The following COL8A1 variants were observed in gnomAD, a reference collection of about 807,000 sequenced individuals.
The protein encoded by COL8A1 is collagen alpha-1(VIII) chain.
A neutral mutation model predicts 42.7 loss-of-function variants in COL8A1; 21 were observed. That is an observed-to-expected ratio of 0.49 (90% CI 0.35 to 0.71). The LOEUF (loss-of-function observed/expected upper bound fraction) is 0.71. Ranked by LOEUF, COL8A1 falls within the 30% of genes least tolerant of loss-of-function variation. COL8A1 has a pLI of 0.01. For missense variants in COL8A1, 788 were observed against 962.4 expected (o/e 0.82, Z 2.40); for synonymous variants, 367 against 369.1 (o/e 0.99, Z 0.06).
chr3:99,756,193 G>A (rs1254166160), intron 2 of COL8A1, among the ~76,000 whole-genome samples: 3 of 151,708 alleles, frequency 2.0e-5, no homozygotes, highest in Non-Finnish European at 2.9e-5. Context: ...AAATAGGGGA[G>A]CTTGGGGTAG....
intron 2 of COL8A1, among the ~76,000 whole-genome samples, chr3:99,782,740 T>G (rs1438414422): frequency 6.6e-6 from 1 of 152,120 alleles, no homozygotes; most frequent in Admixed American, 6.5e-5. Context: ...ACATTCACAA[T>G]TACAAAAAAC....
At chr3:99,779,207 A>G (rs1194866761) in intron 2 of COL8A1, among the ~76,000 whole-genome samples, 1 of 152,180 alleles carries the variant, frequency 6.6e-6, no homozygotes, top group Non-Finnish European at 1.5e-5. Flanking sequence ...TTCATACACA[A>G]AATTATGTAG....
rs762811021 is a variant in COL8A1, at chr3:99,794,203, C to A, written c.329-27C>A. 1.4e-6 allele frequency: 2 copies of A among 1,440,120 alleles called. No individual in the cohort carries two copies. Among genetic ancestry groups the A allele is most frequent in the South Asian group, 2.7e-5 (2 of 73,182 alleles). 89.2% of individuals were successfully genotyped at this position (1,440,120 alleles called of 1,614,324 possible). A position where few individuals can be genotyped will look rare whatever the true frequency, so the allele number is the denominator to read the frequency against. On this transcript the variant is annotated intron_variant, in intron 3 of 3. Transcript: ENST00000652472. This position sits in a 1 kb window ranked among gnomAD's most constrained non-coding sequence, Gnocchi z 4.3. ...TCAATCTCTCTCTCTCCCCCCATAC[C>A]CCTTCTCTCTCTTCTCTTCCCAGTA...
At chr3:99,641,197 A>G (rs751749307) in intron 1 of COL8A1, among the ~76,000 whole-genome samples, 1 of 152,172 alleles carries the variant, frequency 6.6e-6, no homozygotes, top group Non-Finnish European at 1.5e-5. Context: ...GAGGAATCAC[A>G]GAAGTGCCCT....
rs542158542 is a variant in COL8A1 at position 99,668,826 on chromosome 3, G to A, written c.-129+30162G>A. 7.3e-4 allele frequency among the ~76,000 whole-genome samples: 111 copies of A among 152,018 alleles called. 2 individuals are homozygous for A. Among genetic ancestry groups the A allele is most frequent in the Non-Finnish European group, 2.1e-4 (14 of 67,940 alleles). On this transcript the variant is annotated intron_variant, in intron 1 of 3. Transcript: ENST00000652472. ...GTTGATACAATGATGAATAACACAG[G>A]GTGTCAGGTCTAAAGAAGTTAGAAT...
At chr3:99,783,226 G>A (rs1941828466) in intron 2 of COL8A1, among the ~76,000 whole-genome samples, 1 of 152,150 alleles carries the variant, frequency 6.6e-6, no homozygotes, top group African/African-American at 2.4e-5. Context: ...GGAATGTGGT[G>A]GTTGGCCACT....
intron 1 of COL8A1, among the ~76,000 whole-genome samples, chr3:99,709,068 C>T (rs1479112831): frequency 6.8e-6 from 1 of 146,370 alleles, no homozygotes; most frequent in Non-Finnish European, 1.5e-5. Flanking sequence ...ACCCTTCTGG[C>T]CATCTTGGCC....
intron 1 of COL8A1, among the ~76,000 whole-genome samples, chr3:99,707,981 G>A (rs1351206692): frequency 6.6e-6 from 1 of 152,040 alleles, no homozygotes; most frequent in East Asian, 1.9e-4. Flanking sequence ...CACTAAGTGG[G>A]ACAGTTAGGA....
At chr3:99,670,271 C>G (rs1938502480) in intron 1 of COL8A1, among the ~76,000 whole-genome samples, 1 of 151,966 alleles carries the variant, frequency 6.6e-6, no homozygotes, top group African/African-American at 2.4e-5. Flanking sequence ...AGCCATATCT[C>G]TTTTTTCATC....
intron 1 of COL8A1, among the ~76,000 whole-genome samples, chr3:99,733,836 C>A (rs946300826): frequency 6.6e-6 from 1 of 152,120 alleles, no homozygotes; most frequent in African/African-American, 2.4e-5. Context: ...TTAATGATTG[C>A]CATTCTAACT....
At chr3:99,695,545 T>A (rs1459644225) in intron 1 of COL8A1, among the ~76,000 whole-genome samples, 1 of 152,104 alleles carries the variant, frequency 6.6e-6, no homozygotes, top group Non-Finnish European at 1.5e-5. Context: ...CCAGCTGGAT[T>A]GGATGTTCTT....
rs191595140 is a variant in COL8A1, at chr3:99,707,755, A to T, written c.-128-37142A>T. ...AACAAGTAAGAAAAGTAATAAGATTAAAAACCTGCTAGTCTCTGTCCATGT... is the reference window on the plus strand; with the variant it reads ...AACAAGTAAGAAAAGTAATAAGATTTAAAACCTGCTAGTCTCTGTCCATGT... On this transcript the variant is annotated intron_variant, in intron 1 of 3. Coordinates refer to ENST00000652472, the MANE Select transcript of COL8A1 (RefSeq NM_020351.4). Among the ~76,000 whole-genome samples the T allele has an allele frequency of 2.7e-3, 407 of 152,348 alleles. 4 individuals carry two copies. The highest frequency in any genetic ancestry group is 9.2e-3 in the African/African-American group (384 of 41,572).
At chr3:99,654,863 AG>A (rs1284059989) in intron 1 of COL8A1, among the ~76,000 whole-genome samples, 2 of 152,196 alleles carry the variant, frequency 1.3e-5, no homozygotes, top group African/African-American at 4.8e-5. Context: ...ATAAAAACAA[AG>A]GAAGAAGGAC....
At chr3:99,759,634 A>AT (rs1941327892) in intron 2 of COL8A1, among the ~76,000 whole-genome samples, 7 of 152,230 alleles carry the variant, frequency 4.6e-5, no homozygotes, top group Non-Finnish European at 1.0e-4. Context: ...CAGATTAACC[A>AT]ATGTTTTTTT....
At chr3:99,750,049 CTTTTTTTTTTTTT>C (rs1176042144) in intron 2 of COL8A1, among the ~76,000 whole-genome samples, 12 of 65,968 alleles carry the variant, frequency 1.8e-4, no homozygotes, top group Admixed American at 2.5e-4. Context: ...TTTTTTTCTT[CTTTTTTTTTTTTT>C]TTTTTTTTTT....
At position 99,795,645 on chromosome 3, in the gene COL8A1, G is replaced by A. The variant is rs770477385; in HGVS notation, c.1744G>A (p.Gly582Arg). The A allele has an allele frequency of 6.2e-7, 1 of 1,613,934 alleles. No individual in the cohort carries two copies. The highest frequency in any genetic ancestry group is 1.1e-5 in the South Asian group (1 of 91,074). ...GATGCCCCCTACACCACCACCCCAG[G>A]GAGAGTATCTGCCAGATATGGGGCT... Reference protein sequence around the residue: ...AVMPPTPPPQGEYLPDMGLGI... With the variant: ...AVMPPTPPPQREYLPDMGLGI... The change falls in exon 4 of 4, where the codon GGA becomes AGA. Residue 582 changes from glycine to arginine, a missense_variant. Gly to Arg is a moderately radical substitution (Grantham distance 125). Around this residue, in one of 4 missense-constraint regions of COL8A1, gnomAD observed 212 missense variants for 210.9 expected, o/e 1.00. Coordinates refer to ENST00000652472, the MANE Select transcript of COL8A1 (RefSeq NM_020351.4).
intron 1 of COL8A1, among the ~76,000 whole-genome samples, chr3:99,714,401 A>G (rs1939931828): frequency 6.6e-6 from 1 of 152,120 alleles, no homozygotes; most frequent in Non-Finnish European, 1.5e-5. Flanking sequence ...CCTATCCCAT[A>G]AAGTTCCCAG....
At position 99,727,725 on chromosome 3, in the gene COL8A1, T is replaced by G. The variant is rs985152590; in HGVS notation, c.-128-17172T>G. On this transcript the variant is annotated intron_variant, in intron 1 of 3. Coordinates refer to ENST00000652472, the MANE Select transcript of COL8A1 (RefSeq NM_020351.4). The stretch of plus-strand genomic sequence containing the variant: ...TTAGACCAATATCCTTGATGAACAT[T>G]GATGCAAAAATCCTCAATAAAATAC... Among the ~76,000 whole-genome samples, 78 of 151,890 alleles carry G rather than the reference T, an allele frequency of 5.1e-4. 3 individuals carry two copies. The highest frequency in any genetic ancestry group is 1.6e-4 in the Non-Finnish European group (11 of 67,950).
At chr3:99,721,353 G>A (rs1432529446) in intron 1 of COL8A1, among the ~76,000 whole-genome samples, 2 of 114,006 alleles carry the variant, frequency 1.8e-5, no homozygotes, top group Non-Finnish European at 3.4e-5. Flanking sequence ...CAGTGGCACA[G>A]AAGCCACAAT....
Sources: gnomAD v4.1 joint callset for allele counts (sites outside exome capture counted in the v4.1 genomes callset) on GRCh38, gnomAD v4.1.1 for gene constraint, gnomAD v4.1.1 regional missense constraint, Gnocchi (gnomAD v3.1) non-coding constraint, MANE v1.5 for transcripts, NCBI Gene and HGNC (gene_info 2026-07-23, HGNC 2026-07-21) for gene names.